Variants in NDUFAF5 observed in about 807,000 individuals in gnomAD.
NDUFAF5 encodes arginine-hydroxylase NDUFAF5, mitochondrial.
A neutral mutation model predicts 48.9 loss-of-function variants in NDUFAF5; 34 were observed. The ratio of observed to expected loss-of-function variants is 0.70; its 90% CI spans 0.53 to 0.93. NDUFAF5 has a LOEUF of 0.93. Among genes scored for constraint, NDUFAF5 ranks in the 40% least tolerant of loss-of-function variants. The pLI is 0.00. For missense variants in NDUFAF5, 428 were observed against 427.5 expected (o/e 1.00, Z -0.01); for synonymous variants, 153 against 150.6 (o/e 1.02, Z -0.12).
intron 7 of NDUFAF5, among the ~76,000 whole-genome samples, chr20:13,807,785 T>C (rs1296191352): frequency 1.4e-5 from 2 of 146,692 alleles, no homozygotes; most frequent in Non-Finnish European, 1.5e-5. Flanking sequence ...CTACTAAAAA[T>C]ACAAAAAAAA....
rs115207482 is a variant in NDUFAF5, at chr20:13,785,549, G to A, written c.222+259G>A. 1.3e-3 allele frequency among the ~76,000 whole-genome samples: 204 copies of A among 152,330 alleles called. 1 individual carries two copies. Among genetic ancestry groups the A allele is most frequent in the African/African-American group, 4.6e-3 (190 of 41,576 alleles). On this transcript the variant is annotated intron_variant, in intron 1 of 10. Coordinates refer to ENST00000378106, the MANE Select transcript of NDUFAF5 (RefSeq NM_024120.5). ...TTATAGAGGCCTCCAGTGAAGCTCC[G>A]GAGAGGGAGAGAGTGGGAGAGAAGG... is the stretch of plus-strand genomic sequence containing the variant.
At chr20:13,785,927 T>G (rs993067053) in intron 1 of NDUFAF5, among the ~76,000 whole-genome samples, 2 of 152,194 alleles carry the variant, frequency 1.3e-5, no homozygotes, top group African/African-American at 4.8e-5. Context: ...AAATTTGAAA[T>G]TACATATGTG....
rs189739671 is a variant in NDUFAF5 at position 13,791,184 on chromosome 20, G to T, written c.328-1996G>T. ...TTTGAGATGGCAGTGGAATATGGTAGTATAAATAGCTGGCAGGTAGTTGGA... is the reference window on the plus strand; with the variant it reads ...TTTGAGATGGCAGTGGAATATGGTATTATAAATAGCTGGCAGGTAGTTGGA... On this transcript the variant is annotated intron_variant, in intron 3 of 10. Coordinates refer to ENST00000378106, the MANE Select transcript of NDUFAF5 (RefSeq NM_024120.5). 2.0e-5 allele frequency among the ~76,000 whole-genome samples: 3 copies of T among 152,320 alleles called. No homozygotes were observed. The East Asian group carries it at 5.8e-4, about 29-fold the overall frequency.
In NDUFAF5 at chr20:13,798,457, T is replaced by G; in HGVS notation, c.480-4T>G. The G allele has an allele frequency of 6.2e-7, 1 of 1,607,932 alleles. No homozygotes were observed. The highest frequency in any genetic ancestry group is 8.5e-7 in the Non-Finnish European group (1 of 1,174,548). On this transcript the variant is annotated splice_region_variant and splice_polypyrimidine_tract_variant and intron_variant, in intron 5 of 10. Coordinates refer to ENST00000378106, the MANE Select transcript of NDUFAF5 (RefSeq NM_024120.5). ...TAAAACAAATCTGTATTCTCATATTTTAGTTTGCATTGGGTGAATGACCTT... is the reference window on the plus strand; with the variant it reads ...TAAAACAAATCTGTATTCTCATATTGTAGTTTGCATTGGGTGAATGACCTT...
chr20:13,812,065 G>A (rs947563732), intron 8 of NDUFAF5, among the ~76,000 whole-genome samples: 6 of 152,208 alleles, frequency 3.9e-5, no homozygotes, highest in Non-Finnish European at 5.9e-5. Flanking sequence ...AAAGAGAACA[G>A]TTACCTGTCA....
At chr20:13,800,646 A>G (rs1394818595) in intron 6 of NDUFAF5, among the ~76,000 whole-genome samples, 1 of 152,258 alleles carries the variant, frequency 6.6e-6, no homozygotes, top group African/African-American at 2.4e-5. Context: ...TACTAGGTTA[A>G]TGCTGTGAAT....
rs368671722 is a variant in NDUFAF5 at position 13,804,231 on chromosome 20, TCTC to T, written c.717+2552_717+2554del. Among the ~76,000 whole-genome samples, 196 of 152,308 alleles carry T rather than the reference TCTC, an allele frequency of 1.3e-3. 1 individual carries two copies. Among genetic ancestry groups the T allele is most frequent in the African/African-American group, 4.4e-3 (182 of 41,564 alleles). ...TTGTTACACCATGTGTCATGTCATG[TCTC>T]CTCTAAAATAACCCATCGTAGAATA... On this transcript the variant is annotated intron_variant, in intron 7 of 10. Coordinates refer to ENST00000378106, the MANE Select transcript of NDUFAF5 (RefSeq NM_024120.5).
chr20:13,789,965 A>G (rs1982000491), intron 3 of NDUFAF5, among the ~76,000 whole-genome samples: 1 of 152,212 alleles, frequency 6.6e-6, no homozygotes, highest in South Asian at 2.1e-4. Context: ...TCATGTGGTC[A>G]AGGATTCTCA....
intron 5 of NDUFAF5, among the ~76,000 whole-genome samples, chr20:13,798,246 T>C (rs1159240833): frequency 6.6e-6 from 1 of 152,208 alleles, no homozygotes; most frequent in South Asian, 2.1e-4. Flanking sequence ...AAGTGATATA[T>C]TGACATGGGG....
chr20:13,801,716 C>T (rs748251284), intron 7 of NDUFAF5, 33 bp downstream of exon 7: 2 of 1,567,358 alleles, frequency 1.3e-6, no homozygotes, highest in Non-Finnish European at 1.8e-6. Context: ...CCATAACTTA[C>T]ACAGTTCAAA....
chr20:13,816,157 G>A (rs1986430210), intron 8 of NDUFAF5: 1 of 427,516 alleles, frequency 2.3e-6, no homozygotes, highest in Non-Finnish European at 4.4e-6. Flanking sequence ...ACTCACCTGG[G>A]GTGGCAGTCA....
rs542161796 is a variant in NDUFAF5, at chr20:13,798,364, A to G, written c.480-97A>G. The G allele has an allele frequency of 2.3e-4, 209 of 902,996 alleles. 3 individuals carry two copies. The highest frequency in any genetic ancestry group is 2.2e-3 in the Admixed American group (123 of 56,450). 55.9% of individuals were successfully genotyped at this position (902,996 alleles called of 1,614,324 possible). ...TGGATATGCAGTTTTAAACTTCAAA[A>G]TTAACACCTTTTTATGGGTTATCAT... On this transcript the variant is annotated intron_variant, in intron 5 of 10. Transcript: ENST00000378106.
At chr20:13,792,278 A>G (rs117295064) in intron 3 of NDUFAF5, among the ~76,000 whole-genome samples, 2,530 of 152,294 alleles carry the variant, frequency 0.017, 20 homozygotes, top group Non-Finnish European at 0.024. Flanking sequence ...AATCTTTCCA[A>G]GTTTCAGACA....
intron 1 of NDUFAF5, chr20:13,787,083 GTATA>G: frequency 1.8e-6 from 1 of 558,862 alleles, no homozygotes. Context: ...GTGTGTGTGT[GTATA>G]TGTATATTTT....
chr20:13,793,476 C>T (rs1982670101), intron 4 of NDUFAF5, among the ~76,000 whole-genome samples: 1 of 152,186 alleles, frequency 6.6e-6, no homozygotes, highest in Non-Finnish European at 1.5e-5. Context: ...CCCCAACACA[C>T]AACTGTGTAT....
intron 7 of NDUFAF5, among the ~76,000 whole-genome samples, chr20:13,806,406 G>C (rs1350351356): frequency 6.6e-6 from 1 of 152,210 alleles, no homozygotes; most frequent in African/African-American, 2.4e-5. Flanking sequence ...CTACTTGGGA[G>C]GCTGAGGCAG....
In NDUFAF5 at chr20:13,794,366, G is replaced by A. The variant is rs1235963519; in HGVS notation, c.376-472G>A. ...GCGATCTCAGCTCACTGCAACCTCC[G>A]CCTCCCGGGTTCAAGCGATACTCCT... On this transcript the variant is annotated intron_variant, in intron 4 of 10. Transcript: ENST00000378106. 5.3e-5 allele frequency among the ~76,000 whole-genome samples: 8 copies of A among 151,732 alleles called. No homozygotes were observed. The East Asian group carries it at 1.2e-3, about 22-fold the overall frequency.
At chr20:13,796,070 CAA>C (rs1372806181) in intron 5 of NDUFAF5, among the ~76,000 whole-genome samples, 3 of 151,792 alleles carry the variant, frequency 2.0e-5, no homozygotes, top group African/African-American at 7.3e-5. Context: ...GTCTTATAGT[CAA>C]ATAGATTTTC....
intron 5 of NDUFAF5, among the ~76,000 whole-genome samples, chr20:13,796,598 A>G (rs1983254642): frequency 1.3e-5 from 2 of 152,240 alleles, no homozygotes; most frequent in Non-Finnish European, 2.9e-5. Flanking sequence ...CAGTTATACC[A>G]GAAAAGTGTG....
Sources: gnomAD v4.1 joint callset for allele counts (sites outside exome capture counted in the v4.1 genomes callset) on GRCh38, gnomAD v4.1.1 for gene constraint, MANE v1.5 for transcripts, NCBI Gene and HGNC (gene_info 2026-07-23, HGNC 2026-07-21) for gene names.